Variants in NLGN1 observed in about 807,000 individuals in gnomAD.
NLGN1 encodes neuroligin-1.
NLGN1 carries 12 observed loss-of-function variants against 65.5 expected under a neutral mutation model. The ratio of observed to expected loss-of-function variants is 0.18; its 90% CI spans 0.12 to 0.30. NLGN1 has a LOEUF of 0.30. NLGN1 is among the 10% of genes least tolerant of loss of function. The pLI is 1.00. For synonymous variants in NLGN1, 350 were observed against 359.5 expected, an observed-to-expected ratio of 0.97 and a Z score of 0.30; for missense variants, 750 against 1,007.1, an observed-to-expected ratio of 0.74 and a Z score of 3.46.
intron 3 of NLGN1, among the ~76,000 whole-genome samples, chr3:173,782,257 A>G (rs887821872): frequency 2.6e-5 from 4 of 152,150 alleles, no homozygotes; most frequent in African/African-American, 9.7e-5. Context: ...ACACCTCACA[A>G]CATTCCTGAC....
chr3:173,943,835 A>G (rs1182907972), intron 4 of NLGN1, among the ~76,000 whole-genome samples: 2 of 152,220 alleles, frequency 1.3e-5, no homozygotes, highest in Non-Finnish European at 2.9e-5. Flanking sequence ...TTCAGAAAGC[A>G]ACGTTGTATT....
At chr3:173,933,977 C>T (rs1744600324) in intron 4 of NLGN1, among the ~76,000 whole-genome samples, 1 of 151,654 alleles carries the variant, frequency 6.6e-6, no homozygotes, top group Non-Finnish European at 1.5e-5. Context: ...AAATATTCCT[C>T]TCATTGAAGG....
chr3:173,446,377 C>G (rs2148821288), intron 2 of NLGN1, among the ~76,000 whole-genome samples: 1 of 152,186 alleles, frequency 6.6e-6, no homozygotes, highest in East Asian at 1.9e-4. Flanking sequence ...CATCCATGTC[C>G]CTACAAAGGA....
chr3:173,588,333 CTTTTG>C (rs1747854427), intron 2 of NLGN1, among the ~76,000 whole-genome samples: 1 of 152,028 alleles, frequency 6.6e-6, no homozygotes, highest in Non-Finnish European at 1.5e-5. Flanking sequence ...TTGCTGGTCA[CTTTTG>C]TTCTGTTATT....
chr3:173,748,342 C>T (rs1328603769), intron 3 of NLGN1, among the ~76,000 whole-genome samples: 1 of 151,980 alleles, frequency 6.6e-6, no homozygotes, highest in African/African-American at 2.4e-5. Flanking sequence ...CACATAGGGG[C>T]AGAGGAAGTT....
At chr3:173,883,940 A>G (rs1733833824) in intron 4 of NLGN1, among the ~76,000 whole-genome samples, 1 of 150,780 alleles carries the variant, frequency 6.6e-6, no homozygotes. Flanking sequence ...TCGTTCTAGC[A>G]TTTTTACTCT....
chr3:173,753,970 A>ATAATATAATATAATG (rs1293069545), intron 3 of NLGN1, among the ~76,000 whole-genome samples: 1 of 44,956 alleles, frequency 2.2e-5, no homozygotes, highest in African/African-American at 3.7e-5. Context: ...ATAATATAAT[A>ATAATATAATATAATG]TAATATCTAC....
chr3:173,609,588 A>G (rs949776184), intron 3 of NLGN1, among the ~76,000 whole-genome samples: 1 of 151,966 alleles, frequency 6.6e-6, no homozygotes, highest in Non-Finnish European at 1.5e-5. Flanking sequence ...ATATTCCAGA[A>G]TGTTCTTCCT....
chr3:173,736,608 G>A (rs563261618), intron 3 of NLGN1, among the ~76,000 whole-genome samples: 44 of 151,954 alleles, frequency 2.9e-4, no homozygotes, highest in African/African-American at 1.0e-3. Context: ...TTTTTAGAAG[G>A]GAGGCTTGGA....
chr3:174,279,761 A>G lies in NLGN1; in HGVS notation c.1649+111A>G. 3 of 633,888 alleles carry G rather than the reference A, an allele frequency of 4.7e-6. No homozygotes were observed. Among genetic ancestry groups the G allele is most frequent in the Non-Finnish European group, 8.2e-6 (3 of 367,332 alleles). The allele number at this position is 633,888 out of a possible 1,614,324, so 39.3% of individuals were successfully genotyped here. On this transcript the variant is annotated intron_variant, in intron 6 of 6. Coordinates refer to ENST00000457714, the Ensembl canonical transcript of NLGN1. The surrounding 1 kb of genome is among the most constrained non-coding windows in gnomAD (Gnocchi z 4.7). ...GTCATATTGGATTAATACCTGCAAG[A>G]TATTACATTCCTTTATTCAAAATTA...
chr3:173,709,322 C>A (rs1012135642), intron 3 of NLGN1, among the ~76,000 whole-genome samples: 9 of 152,170 alleles, frequency 5.9e-5, no homozygotes, highest in African/African-American at 2.2e-4. Flanking sequence ...AATGGCAAAT[C>A]TTGCATTACC....
At chr3:173,491,027 A>C (rs1729049143) in intron 2 of NLGN1, among the ~76,000 whole-genome samples, 1 of 151,882 alleles carries the variant, frequency 6.6e-6, no homozygotes, top group African/African-American at 2.4e-5. Context: ...ATATACAATC[A>C]TGTCATCTGC....
chr3:173,875,144 A>G (rs1731882416), intron 4 of NLGN1, among the ~76,000 whole-genome samples: 1 of 152,220 alleles, frequency 6.6e-6, no homozygotes, highest in Non-Finnish European at 1.5e-5. Flanking sequence ...TTTGCCATTC[A>G]TGACATACCA....
At chr3:173,970,598 A>G (rs968082919) in intron 4 of NLGN1, among the ~76,000 whole-genome samples, 1 of 152,106 alleles carries the variant, frequency 6.6e-6, no homozygotes, top group African/African-American at 2.4e-5. Context: ...AAGCTTGAGG[A>G]TTTATAGAAG....
At chr3:173,959,200 A>G (rs2152343860) in intron 4 of NLGN1, among the ~76,000 whole-genome samples, 1 of 152,308 alleles carries the variant, frequency 6.6e-6, no homozygotes, top group South Asian at 2.1e-4. Flanking sequence ...TCACAGCTTC[A>G]GTGGTTGCAG....
intron 4 of NLGN1, among the ~76,000 whole-genome samples, chr3:173,947,883 G>A (rs545761454): frequency 2.6e-3 from 389 of 152,204 alleles, no homozygotes; most frequent in African/African-American, 9.0e-3. Flanking sequence ...GTAATAGAGG[G>A]ACTTTATTTG....
chr3:173,698,033 GAA>G (rs35715039), intron 3 of NLGN1, among the ~76,000 whole-genome samples: 130,122 of 145,660 alleles, frequency 0.89, 58,024 homozygotes, highest in East Asian at 0.98. Context: ...CTTAAAAAAT[GAA>G]AAAAAAAAAA....
intron 3 of NLGN1, among the ~76,000 whole-genome samples, chr3:173,656,801 A>G (rs562432170): frequency 6.6e-6 from 1 of 152,172 alleles, no homozygotes; most frequent in Middle Eastern, 3.4e-3. Context: ...CAAAGAGGGC[A>G]AATTACTTTC....
intron 4 of NLGN1, among the ~76,000 whole-genome samples, chr3:174,256,338 G>A (rs1307038882): frequency 6.6e-6 from 1 of 152,114 alleles, no homozygotes; most frequent in Non-Finnish European, 1.5e-5. Context: ...CCAAAATGCT[G>A]TCCCACTTCT....
Sources: gnomAD v4.1 joint callset for allele counts (sites outside exome capture counted in the v4.1 genomes callset) on GRCh38, gnomAD v4.1.1 for gene constraint, Gnocchi (gnomAD v3.1) non-coding constraint, MANE v1.5 for transcripts, NCBI Gene and HGNC (gene_info 2026-07-23, HGNC 2026-07-21) for gene names.